ERBIN: variants seen among roughly 807,000 people sequenced by gnomAD.
The protein encoded by ERBIN is densin-180-like protein.
A neutral mutation model predicts 158.4 loss-of-function variants in ERBIN; 60 were observed. That is an observed-to-expected ratio of 0.38 (90% CI 0.31 to 0.47). ERBIN has a LOEUF of 0.47. Ranked by LOEUF, ERBIN falls within the 20% of genes least tolerant of loss-of-function variation. The pLI is 0.99. For synonymous variants in ERBIN, 594 were observed against 557.2 expected (o/e 1.07, Z -0.93); for missense variants, 1,610 against 1,648.0 (o/e 0.98, Z 0.40).
chr5:66,058,806 T>C (rs1759917892), intron 21 of ERBIN, among the ~76,000 whole-genome samples: 1 of 151,796 alleles, frequency 6.6e-6, no homozygotes, highest in Non-Finnish European at 1.5e-5. Context: ...CTTTCCCCAT[T>C]TCTTGTTTTT....
intron 1 of ERBIN, among the ~76,000 whole-genome samples, chr5:65,969,937 A>T (rs931869898): frequency 6.6e-6 from 1 of 152,172 alleles, no homozygotes; most frequent in Non-Finnish European, 1.5e-5. Context: ...TTAGGGAATT[A>T]CTATTAATTG....
At chr5:66,026,073 C>A (rs1756210126) in intron 12 of ERBIN, 96 bp downstream of exon 12, 3 of 1,097,412 alleles carry the variant, frequency 2.7e-6, no homozygotes, top group African/African-American at 3.3e-5. Context: ...TATTTTCTTT[C>A]TAAAATAGTT....
intron 1 of ERBIN, among the ~76,000 whole-genome samples, chr5:65,971,885 C>T (rs1749289411): frequency 6.6e-6 from 1 of 152,134 alleles, no homozygotes; most frequent in Non-Finnish European, 1.5e-5. Flanking sequence ...GGCAGTGTTA[C>T]CTGGTACCAA....
chr5:66,035,947 G>A (rs1416017880), intron 14 of ERBIN, among the ~76,000 whole-genome samples: 1 of 152,040 alleles, frequency 6.6e-6, no homozygotes, highest in African/African-American at 2.4e-5. Context: ...GAAATAGCCA[G>A]GCACAGTGGC....
intron 1 of ERBIN, among the ~76,000 whole-genome samples, chr5:65,957,526 G>T (rs1447529615): frequency 2.0e-5 from 3 of 152,176 alleles, no homozygotes; most frequent in Non-Finnish European, 4.4e-5. Flanking sequence ...AGAGCACCGG[G>T]TTGGGGGTAA....
intron 20 of ERBIN, among the ~76,000 whole-genome samples, chr5:66,051,572 T>C (rs2151230052): frequency 6.6e-6 from 1 of 152,302 alleles, no homozygotes; most frequent in Admixed American, 6.5e-5. Context: ...AGTGTTACTC[T>C]ATCAGCTAAA....
intron 1 of ERBIN, among the ~76,000 whole-genome samples, chr5:65,959,121 T>C (rs948381608): frequency 1.3e-5 from 2 of 152,230 alleles, no homozygotes; most frequent in Non-Finnish European, 2.9e-5. Context: ...TATACTATTA[T>C]ATGCTTCCAC....
intron 5 of ERBIN, among the ~76,000 whole-genome samples, chr5:66,013,148 T>C (rs906800407): frequency 7.9e-5 from 12 of 152,324 alleles, no homozygotes; most frequent in Admixed American, 1.3e-4. Context: ...CAAAGAATTA[T>C]TCAGCCCAAA....
chr5:66,080,148 T>A lies in ERBIN; in HGVS notation c.*1618T>A, dbSNP rs1314204317. On this transcript the variant is annotated 3_prime_UTR_variant, in exon 26 of 26. Coordinates refer to ENST00000284037, the MANE Select transcript of ERBIN (RefSeq NM_001253697.2). ...ATCAACCTTGATTTTAATTAAGACT[T>A]TTATAAGACTAGCTTAAAACACCAA... is the stretch of plus-strand genomic sequence containing the variant. 6.6e-6 allele frequency: 1 copy of A among 152,572 alleles called. No homozygotes were observed. The highest frequency in any genetic ancestry group is 1.5e-5 in the Non-Finnish European group (1 of 67,990). The allele number at this position is 152,572 out of a possible 1,614,324, so 9.5% of individuals were successfully genotyped here. A position where few individuals can be genotyped will look rare whatever the true frequency, so the allele number is the denominator to read the frequency against.
rs1363293936 is a variant in ERBIN at position 66,080,858 on chromosome 5, C to G, written c.*2328C>G. On this transcript the variant is annotated 3_prime_UTR_variant, in exon 26 of 26. Transcript: ENST00000284037. ...TAGTTAGTTAAAATTTTATAGTATT[C>G]TTGCAACACATAAAGTTGCGTAAGA... 6.6e-6 allele frequency: 1 copy of G among 151,920 alleles called. No homozygotes were observed. Among genetic ancestry groups the G allele is most frequent in the African/African-American group, 2.4e-5 (1 of 41,424 alleles). 9.4% of individuals were successfully genotyped at this position (151,920 alleles called of 1,614,324 possible).
chr5:66,031,666 G>A (rs1288741702), intron 14 of ERBIN, among the ~76,000 whole-genome samples: 1 of 152,076 alleles, frequency 6.6e-6, no homozygotes, highest in African/African-American at 2.4e-5. Context: ...TTCCGTCTCT[G>A]CAAATAAATT....
intron 1 of ERBIN, among the ~76,000 whole-genome samples, chr5:65,977,575 C>T (rs529042037): frequency 4.0e-4 from 58 of 145,282 alleles, no homozygotes; most frequent in Non-Finnish European, 6.5e-4. Context: ...CGGGCAGAGA[C>T]GCTCCTCACT....
intron 7 of ERBIN, among the ~76,000 whole-genome samples, chr5:66,015,422 T>A (rs1754612016): frequency 6.6e-6 from 1 of 152,168 alleles, no homozygotes; most frequent in African/African-American, 2.4e-5. Context: ...CATACATTCA[T>A]GTACATATTG....
chr5:66,080,618 A>G lies in ERBIN; in HGVS notation c.*2088A>G, dbSNP rs1762345049. 6.6e-6 allele frequency: 1 copy of G among 152,100 alleles called. No individual in the cohort carries two copies. Among genetic ancestry groups the G allele is most frequent in the South Asian group, 2.1e-4 (1 of 4,832 alleles). 9.4% of individuals were successfully genotyped at this position (152,100 alleles called of 1,614,324 possible). Reference sequence around the variant, plus strand: ...ATTGATTTCAGATTTTCACAGGCACATTCTACTTTTAATCAGAAATATATT... The same window carrying G: ...ATTGATTTCAGATTTTCACAGGCACGTTCTACTTTTAATCAGAAATATATT... On this transcript the variant is annotated 3_prime_UTR_variant, in exon 26 of 26. Coordinates refer to ENST00000284037, the MANE Select transcript of ERBIN (RefSeq NM_001253697.2).
Position 66,048,795 on chromosome 5 carries a change from G to A in ERBIN, c.1903+14G>A, listed in dbSNP as rs56113810. 3.9e-3 allele frequency: 5,660 copies of A among 1,463,626 alleles called. 72 individuals are homozygous for A. The highest frequency in any genetic ancestry group is 0.031 in the African/African-American group (2,178 of 70,146). 90.7% of individuals were successfully genotyped at this position (1,463,626 alleles called of 1,614,324 possible). Reference sequence around the variant, plus strand: ...ATAACAAAAAAGGTTAGATGTTAAAGGAAAGTGCTAAGAATAGAAATTGCC... The same window carrying A: ...ATAACAAAAAAGGTTAGATGTTAAAAGAAAGTGCTAAGAATAGAAATTGCC... On this transcript the variant is annotated intron_variant, in intron 19 of 25. Coordinates refer to ENST00000284037, the MANE Select transcript of ERBIN (RefSeq NM_001253697.2).
chr5:65,943,866 A>G (rs1733711115), intron 1 of ERBIN, among the ~76,000 whole-genome samples: 1 of 152,222 alleles, frequency 6.6e-6, no homozygotes, highest in Admixed American at 6.5e-5. Flanking sequence ...AAAGCCTCCT[A>G]GCCGCTGGCA....
intron 7 of ERBIN, among the ~76,000 whole-genome samples, chr5:66,019,888 C>T (rs1245108965): frequency 6.6e-6 from 1 of 152,092 alleles, no homozygotes; most frequent in East Asian, 1.9e-4. Flanking sequence ...TTTGTTCTTT[C>T]AGTCTTCTCT....
In ERBIN at chr5:66,079,890, C is replaced by T. The variant is rs1420972666; in HGVS notation, c.*1360C>T. ...GGTTTATTAATTTTGTTTATCCAGACCATTAATTTTATTTGTTTTTGTTCT... is the reference window on the plus strand; with the variant it reads ...GGTTTATTAATTTTGTTTATCCAGATCATTAATTTTATTTGTTTTTGTTCT... On this transcript the variant is annotated 3_prime_UTR_variant, in exon 26 of 26. Transcript: ENST00000284037. 1 of 151,996 alleles carries T rather than the reference C, an allele frequency of 6.6e-6. No individual in the cohort carries two copies. The highest frequency in any genetic ancestry group is 2.4e-5 in the African/African-American group (1 of 41,364). 9.4% of individuals were successfully genotyped at this position (151,996 alleles called of 1,614,324 possible). A position where few individuals can be genotyped will look rare whatever the true frequency, so the allele number is the denominator to read the frequency against.
Position 66,048,690 on chromosome 5 carries a change from T to C in ERBIN, c.1812T>C (p.Asp604=), listed in dbSNP as rs1758708948. Residue 604 remains aspartate (D), a synonymous_variant, in exon 19 of 26, where the codon GAT becomes GAC. Coordinates refer to ENST00000284037, the MANE Select transcript of ERBIN (RefSeq NM_001253697.2). Reference sequence around the variant, plus strand: ...AGGAATCTGAAGAACTTTCTTCTGATGAAGAGATGAAAATGGCGGAGATGC... The same window carrying C: ...AGGAATCTGAAGAACTTTCTTCTGACGAAGAGATGAAAATGGCGGAGATGC... ...VFEESEELSS[D]EEMKMAEMRP... 2 of 1,608,256 alleles carry C rather than the reference T, an allele frequency of 1.2e-6. No individual in the cohort carries two copies. Among genetic ancestry groups the C allele is most frequent in the Admixed American group, 1.7e-5 (1 of 59,640 alleles).
Sources: allele counts gnomAD v4.1 joint callset (sites outside exome capture counted in the v4.1 genomes callset), GRCh38; gene constraint gnomAD v4.1.1; transcripts MANE v1.5; gene names NCBI Gene and HGNC (gene_info 2026-07-23, HGNC 2026-07-21).